Variants in SNTB2 observed in about 807,000 individuals in gnomAD.
The protein encoded by SNTB2 is beta-2-syntrophin.
In SNTB2, 34 loss-of-function variants were observed where a neutral mutation model predicts 46.2. The observed-to-expected ratio is 0.74, with a 90% CI of 0.56 to 0.98. The LOEUF (loss-of-function observed/expected upper bound fraction) is 0.98, where lower values mean the gene tolerates loss of function less well. Ranked by LOEUF, SNTB2 falls within the 50% of genes least tolerant of loss-of-function variation. SNTB2 has a pLI of 0.00. For synonymous variants in SNTB2, 290 were observed against 312.6 expected (o/e 0.93, Z 0.76); for missense variants, 603 against 731.4 (o/e 0.82, Z 2.02).
At chr16:69,264,978 G>A (rs1220272625) in intron 3 of SNTB2, among the ~76,000 whole-genome samples, 2 of 152,178 alleles carry the variant, frequency 1.3e-5, no homozygotes, top group Admixed American at 1.3e-4. Flanking sequence ...GGCCGGGCAC[G>A]GTGGCTCATG....
chr16:69,245,410 G>A (rs938131586), intron 1 of SNTB2, among the ~76,000 whole-genome samples, 192 bp from the exon 2 acceptor site: 2 of 152,044 alleles, frequency 1.3e-5, no homozygotes, highest in Non-Finnish European at 2.9e-5. Flanking sequence ...GACCAGGCTG[G>A]CCTTGAACTC....
chr16:69,191,753 G>A (rs977263357), intron 1 of SNTB2, among the ~76,000 whole-genome samples: 2 of 151,896 alleles, frequency 1.3e-5, no homozygotes, highest in African/African-American at 4.8e-5. Context: ...CCATTCTGCT[G>A]CCTCAGCCTC....
intron 3 of SNTB2, among the ~76,000 whole-genome samples, chr16:69,263,559 C>T (rs1325350919): frequency 6.6e-6 from 1 of 151,848 alleles, no homozygotes; most frequent in Non-Finnish European, 1.5e-5. Context: ...GCTGGGATTA[C>T]AGGTGTGCGC....
At chr16:69,201,895 A>G (rs574439026) in intron 1 of SNTB2, among the ~76,000 whole-genome samples, 1 of 152,218 alleles carries the variant, frequency 6.6e-6, no homozygotes, top group East Asian at 1.9e-4. Context: ...TGGATGGAAA[A>G]TTGCTTCAGG....
At chr16:69,189,454 A>T (rs761936803) in intron 1 of SNTB2, among the ~76,000 whole-genome samples, 1 of 152,218 alleles carries the variant, frequency 6.6e-6, no homozygotes, top group Non-Finnish European at 1.5e-5. Flanking sequence ...ATTTAGAAAA[A>T]AAACACAAAA....
Position 69,278,052 on chromosome 16 carries a change from C to T in SNTB2, c.1149-5996C>T, listed in dbSNP as rs115764852. On this transcript the variant is annotated intron_variant, in intron 4 of 6. Coordinates refer to ENST00000336278, the MANE Select transcript of SNTB2 (RefSeq NM_006750.4). ...CAAAAATGAGCCAGGCACGGCGGCA[C>T]GCGCCTATTGTCCCAACTACTTGGG... Among the ~76,000 whole-genome samples the T allele has an allele frequency of 3.5e-3, 533 of 152,316 alleles. 6 individuals are homozygous for T. Among genetic ancestry groups the T allele is most frequent in the African/African-American group, 0.012 (501 of 41,562 alleles).
intron 2 of SNTB2, among the ~76,000 whole-genome samples, chr16:69,246,111 G>A (rs1964668237): frequency 6.6e-6 from 1 of 152,086 alleles, no homozygotes; most frequent in Non-Finnish European, 1.5e-5. Context: ...ATGTCTTTCT[G>A]TAATGTTGTT....
rs531622182 is a variant in SNTB2, at chr16:69,304,107, C to G, written c.*3183C>G. The stretch of plus-strand genomic sequence containing the variant: ...TTCTCCTAAAACTTCTCTCCTTTCT[C>G]TCCATAAAAAGAAAAGGAAAGGAAC... On this transcript the variant is annotated 3_prime_UTR_variant, in exon 7 of 7. Coordinates refer to ENST00000336278, the MANE Select transcript of SNTB2 (RefSeq NM_006750.4). The G allele has an allele frequency of 5.3e-5, 8 of 152,114 alleles. No homozygotes were observed. Among genetic ancestry groups the G allele is most frequent in the African/African-American group, 1.9e-4 (8 of 41,410 alleles). The allele number at this position is 152,114 out of a possible 1,614,324, so 9.4% of individuals were successfully genotyped here.
At chr16:69,296,606 C>T (rs1427525064) in intron 5 of SNTB2, among the ~76,000 whole-genome samples, 1 of 151,486 alleles carries the variant, frequency 6.6e-6, no homozygotes, top group East Asian at 2.0e-4. Flanking sequence ...CCTGTAATCC[C>T]AGCTACTCGG....
Position 69,213,645 on chromosome 16 carries a change from G to A in SNTB2, c.580+25899G>A, listed in dbSNP as rs144211069. Among the ~76,000 whole-genome samples the A allele has an allele frequency of 1.1e-3, 171 of 149,728 alleles. 2 individuals are homozygous for A. The highest frequency in any genetic ancestry group is 3.7e-3 in the African/African-American group (151 of 40,710). ...CTCCCAAGTAGCTGGGAGTACAGGC[G>A]CGTGCCACCACGCCCGGCTAATTTT... On this transcript the variant is annotated intron_variant, in intron 1 of 6. Transcript: ENST00000336278.
chr16:69,241,128 G>T (rs907133214), intron 1 of SNTB2, among the ~76,000 whole-genome samples: 2 of 149,864 alleles, frequency 1.3e-5, no homozygotes, highest in African/African-American at 4.9e-5. Flanking sequence ...CCAAAGTGCT[G>T]GGATTACAGG....
chr16:69,275,836 T>TA lies in SNTB2; in HGVS notation c.1148+5558dup, dbSNP rs895258016. Among the ~76,000 whole-genome samples the TA allele has an allele frequency of 9.9e-5, 15 of 152,120 alleles. No individual in the cohort carries two copies. In the South Asian group the frequency reaches 1.2e-3, roughly 13 times the overall value. On this transcript the variant is annotated intron_variant, in intron 4 of 6. Transcript: ENST00000336278. ...AAGAAATTAAGGACCTTTATTATGT[T>TA]AAAAAAAGTAGATAACTCCTGAAAA...
At chr16:69,214,176 G>T (rs550659821) in intron 1 of SNTB2, among the ~76,000 whole-genome samples, 1 of 150,510 alleles carries the variant, frequency 6.6e-6, no homozygotes, top group East Asian at 2.0e-4. Flanking sequence ...TGTTGCCCAG[G>T]CTGGAGTGCA....
chr16:69,283,861 A>T (rs761595028), intron 4 of SNTB2, among the ~76,000 whole-genome samples, 187 bp from the exon 5 acceptor site: 4 of 152,122 alleles, frequency 2.6e-5, no homozygotes, highest in Non-Finnish European at 5.9e-5. Flanking sequence ...TGACTGTGAT[A>T]CCAGGGGTCA....
intron 1 of SNTB2, among the ~76,000 whole-genome samples, chr16:69,232,615 G>A (rs375184233): frequency 3.5e-5 from 5 of 142,682 alleles, no homozygotes; most frequent in East Asian, 4.3e-4. Flanking sequence ...GGGTTCAAGC[G>A]ATTCTCTTGC....
chr16:69,297,489 G>A (rs1049142506), intron 5 of SNTB2, among the ~76,000 whole-genome samples: 5 of 149,770 alleles, frequency 3.3e-5, no homozygotes, highest in African/African-American at 4.9e-5. Flanking sequence ...GTGGTGGCAC[G>A]CTCCTGTAAT....
intron 1 of SNTB2, among the ~76,000 whole-genome samples, chr16:69,188,551 G>T (rs1964018028): frequency 6.6e-6 from 1 of 152,178 alleles, no homozygotes; most frequent in Non-Finnish European, 1.5e-5. Context: ...CTTTCATGAT[G>T]AATTTGAACT....
intron 1 of SNTB2, among the ~76,000 whole-genome samples, chr16:69,241,125 G>A (rs1964609698): frequency 6.7e-6 from 1 of 148,818 alleles, no homozygotes; most frequent in Non-Finnish European, 1.5e-5. Flanking sequence ...CTCCCAAAGT[G>A]CTGGGATTAC....
intron 2 of SNTB2, among the ~76,000 whole-genome samples, chr16:69,246,778 G>T (rs1964673719): frequency 6.7e-6 from 1 of 148,736 alleles, no homozygotes; most frequent in South Asian, 2.1e-4. Flanking sequence ...CTTCTTCCTG[G>T]TTTAGTCTTG....
Sources: allele counts gnomAD v4.1 joint callset (sites outside exome capture counted in the v4.1 genomes callset), GRCh38; gene constraint gnomAD v4.1.1; transcripts MANE v1.5; gene names NCBI Gene and HGNC (gene_info 2026-07-23, HGNC 2026-07-21).